Variants in TCF4 observed in about 807,000 individuals in gnomAD.
The protein encoded by TCF4 is SL3-3 enhancer factor 2.
In TCF4, 3 loss-of-function variants were observed where a neutral mutation model predicts 82.1. The ratio of observed to expected loss-of-function variants is 0.04; its 90% CI spans 0.02 to 0.09. The LOEUF is 0.09. Among genes scored for constraint, TCF4 ranks in the 10% least tolerant of loss-of-function variants. The pLI is 1.00. For synonymous variants in TCF4, 276 were observed against 309.6 expected (o/e 0.89, Z 1.14); for missense variants, 518 against 852.7 (o/e 0.61, Z 4.89).
At chr18:55,260,095 C>T (rs186827769) in intron 12 of TCF4, 68 bp from the exon 13 acceptor site, 21 of 1,239,022 alleles carry the variant, frequency 1.7e-5, no homozygotes, top group East Asian at 7.0e-5. Flanking sequence ...TTCTAAACTA[C>T]GAAGTTGTCA....
At chr18:55,513,168 C>A (rs2096845694) in intron 3 of TCF4, among the ~76,000 whole-genome samples, 1 of 152,160 alleles carries the variant, frequency 6.6e-6, no homozygotes, top group Admixed American at 6.5e-5. Context: ...GCGTCACTGA[C>A]TAGTGCTGAC....
chr18:55,544,710 C>T (rs905292809), intron 3 of TCF4, among the ~76,000 whole-genome samples: 3 of 152,102 alleles, frequency 2.0e-5, no homozygotes, highest in Non-Finnish European at 2.9e-5. Flanking sequence ...TTCCTAAAAA[C>T]AGTAGCTGAA....
At chr18:55,401,590 GAA>G in intron 6 of TCF4, 4 of 777,782 alleles carry the variant, frequency 5.1e-6, no homozygotes, top group African/African-American at 2.0e-5. Context: ...CTTGTGTTTG[GAA>G]AAAAAAAAAA....
Position 55,588,183 on chromosome 18 carries a change from A to C in TCF4, c.-166T>G. 1.7e-6 allele frequency: 2 copies of C among 1,154,822 alleles called. No homozygotes were observed. Among genetic ancestry groups the C allele is most frequent in the Non-Finnish European group, 2.1e-6 (2 of 943,334 alleles). The allele number at this position is 1,154,822 out of a possible 1,614,324, so 71.5% of individuals were successfully genotyped here. A position where few individuals can be genotyped will look rare whatever the true frequency, so the allele number is the denominator to read the frequency against. On this transcript the variant is annotated 5_prime_UTR_variant, in exon 1 of 20. Transcript: ENST00000354452. ...CGCCGCCGCCGCCGCCGCCGCCACT[A>C]CAGATCCGCAGACACACAGCCAAGA... is the stretch of plus-strand genomic sequence containing the variant.
At chr18:55,563,740 T>C (rs1456042026) in intron 3 of TCF4, among the ~76,000 whole-genome samples, 2 of 152,222 alleles carry the variant, frequency 1.3e-5, no homozygotes, top group African/African-American at 4.8e-5. Context: ...GAACGTGACA[T>C]ATGGTGCTCA....
intron 3 of TCF4, among the ~76,000 whole-genome samples, chr18:55,490,982 T>C (rs1313105862): frequency 6.6e-6 from 1 of 152,120 alleles, no homozygotes; most frequent in Non-Finnish European, 1.5e-5. Context: ...AGGAAGTCTT[T>C]CAAAAGATGA....
intron 6 of TCF4, chr18:55,401,471 T>C: frequency 1.0e-6 from 1 of 993,440 alleles, no homozygotes; most frequent in Non-Finnish European, 1.2e-6. Context: ...CAAAAGAATT[T>C]TCCTGGACAT....
intron 5 of TCF4, among the ~76,000 whole-genome samples, chr18:55,430,034 T>C (rs973096074): frequency 6.6e-6 from 1 of 152,164 alleles, no homozygotes; most frequent in Non-Finnish European, 1.5e-5. Flanking sequence ...AAACTAGACA[T>C]GTTGATGTTA....
intron 6 of TCF4, among the ~76,000 whole-genome samples, chr18:55,371,884 C>A (rs2089315885): frequency 6.6e-6 from 1 of 152,106 alleles, no homozygotes; most frequent in Non-Finnish European, 1.5e-5. Flanking sequence ...GCACTGAGGG[C>A]TGCTTATACA....
intron 3 of TCF4, among the ~76,000 whole-genome samples, chr18:55,560,128 C>T (rs2097342306): frequency 6.6e-6 from 1 of 152,112 alleles, no homozygotes; most frequent in Non-Finnish European, 1.5e-5. Flanking sequence ...TGTAATGCAA[C>T]CCATCACAGA....
chr18:55,351,555 C>G (rs924578757), intron 6 of TCF4, among the ~76,000 whole-genome samples: 12 of 152,048 alleles, frequency 7.9e-5, no homozygotes, highest in Admixed American at 7.9e-4. Context: ...AATCCTCACA[C>G]TAACTCTCAA....
intron 2 of TCF4, chr18:55,596,145 G>A (rs2097690729): frequency 2.3e-6 from 1 of 435,358 alleles, no homozygotes; most frequent in South Asian, 1.6e-5. Context: ...CAGGAGGATA[G>A]CTTGAACCTG....
intron 3 of TCF4, among the ~76,000 whole-genome samples, chr18:55,534,405 G>T (rs2097097050): frequency 6.6e-6 from 1 of 152,228 alleles, no homozygotes; most frequent in African/African-American, 2.4e-5. Flanking sequence ...GGCACTGGGG[G>T]TGCTTTACTG....
At chr18:55,291,144 T>G (rs1160015503) in intron 8 of TCF4, among the ~76,000 whole-genome samples, 1 of 152,176 alleles carries the variant, frequency 6.6e-6, no homozygotes, top group African/African-American at 2.4e-5. Context: ...TCCTTTTCCA[T>G]GAGTCACAAG....
intron 6 of TCF4, among the ~76,000 whole-genome samples, chr18:55,363,826 T>A (rs2086134804): frequency 6.6e-6 from 1 of 151,700 alleles, no homozygotes; most frequent in Non-Finnish European, 1.5e-5. Flanking sequence ...AATAAATAAA[T>A]AAAAATAAAT....
At chr18:55,334,530 A>G (rs1181548936) in intron 8 of TCF4, among the ~76,000 whole-genome samples, 1 of 152,144 alleles carries the variant, frequency 6.6e-6, no homozygotes, top group Non-Finnish European at 1.5e-5. Flanking sequence ...TCAAAAAAAA[A>G]GAAAACAGCA....
intron 5 of TCF4, among the ~76,000 whole-genome samples, chr18:55,433,882 G>T (rs1005279015): frequency 6.6e-6 from 1 of 151,880 alleles, no homozygotes; most frequent in Non-Finnish European, 1.5e-5. Flanking sequence ...TCATCCATGC[G>T]CACGACACTG....
chr18:55,440,605 C>G (rs543427151), intron 5 of TCF4, among the ~76,000 whole-genome samples: 1 of 152,180 alleles, frequency 6.6e-6, no homozygotes, highest in Non-Finnish European at 1.5e-5. Context: ...CAGGCCCCTT[C>G]TTCAGGTACT....
intron 5 of TCF4, among the ~76,000 whole-genome samples, chr18:55,444,742 C>T (rs1302978350): frequency 6.6e-6 from 1 of 152,148 alleles, no homozygotes; most frequent in Non-Finnish European, 1.5e-5. Context: ...AATCTGCAAT[C>T]CCAAACCCAG....
Sources: gnomAD v4.1 joint callset for allele counts (sites outside exome capture counted in the v4.1 genomes callset) on GRCh38, gnomAD v4.1.1 for gene constraint, MANE v1.5 for transcripts, NCBI Gene and HGNC (gene_info 2026-07-23, HGNC 2026-07-21) for gene names.